The following SGK1 variants were observed in gnomAD, a reference collection of about 807,000 sequenced individuals.
SGK1 encodes the protein serine/threonine-protein kinase Sgk1.
In SGK1, 26 loss-of-function variants were observed where a neutral mutation model predicts 64.2. The observed-to-expected ratio is 0.40, with a 90% CI of 0.30 to 0.56. SGK1 has a LOEUF of 0.56. SGK1 is among the 20% of genes least tolerant of loss of function. The pLI is 0.38. For synonymous variants in SGK1, 265 were observed against 239.7 expected, an observed-to-expected ratio of 1.11 and a Z score of -0.98; for missense variants, 519 against 645.6, an observed-to-expected ratio of 0.80 and a Z score of 2.12.
chr6:134,173,261 G>A lies in SGK1; in HGVS notation c.702+13C>T, dbSNP rs759617853. 62 of 1,611,188 alleles carry A rather than the reference G, an allele frequency of 3.8e-5. No homozygotes were observed. The South Asian group carries it at 6.0e-4, about 16-fold the overall frequency. ...CTACCGCCAATGCCAGCCCCATCAA[G>A]CACATCTCATACCTCTTTCTTTTTC... On this transcript the variant is annotated intron_variant, in intron 7 of 13. Transcript: ENST00000367858.
At chr6:134,214,971 A>T (rs1775953646) in intron 2 of SGK1, 1 of 427,730 alleles carries the variant, frequency 2.3e-6, no homozygotes, top group African/African-American at 2.1e-5. Flanking sequence ...TGAATGTTTA[A>T]TCACTATTGT....
intron 1 of SGK1, among the ~76,000 whole-genome samples, chr6:134,290,011 C>T (rs1233696725): frequency 4.0e-5 from 6 of 151,566 alleles, no homozygotes; most frequent in Admixed American, 2.0e-4. Context: ...ATTAGCTGGG[C>T]GTGGTGGCAG....
intron 1 of SGK1, chr6:134,298,531 C>T (rs1478736860): frequency 1.2e-6 from 1 of 806,202 alleles, no homozygotes; most frequent in East Asian, 2.5e-5. Context: ...CCGCTGGCCC[C>T]ACCATAGCCT....
intron 1 of SGK1, chr6:134,297,859 G>T: frequency 3.9e-6 from 3 of 775,898 alleles, no homozygotes; most frequent in East Asian, 5.3e-5. Flanking sequence ...AGCATCTGCA[G>T]CTCCTCATAT....
Position 134,256,088 on chromosome 6 carries a change from C to CTTTTTTTTTTTTTTTTTTTT in SGK1, c.285+5844_285+5845insAAAAAAAAAAAAAAAAAAAA, listed in dbSNP as rs68106923. Among the ~76,000 whole-genome samples the CTTTTTTTTTTTTTTTTTTTT allele has an allele frequency of 4.3e-5, 6 of 139,244 alleles. 1 individual carries two copies. The highest frequency in any genetic ancestry group is 6.1e-5 in the Non-Finnish European group (4 of 65,440). The allele number at this position is 139,244 out of a possible 152,430, so 91.3% of individuals were successfully genotyped here. Reference sequence around the variant, plus strand: ...AAATATTCCTCTTTGGTCCTTTTTCCTTTTTTTTTTTTTGTATTTTGTCGA... The same window carrying CTTTTTTTTTTTTTTTTTTTT: ...AAATATTCCTCTTTGGTCCTTTTTCCTTTTTTTTTTTTTTTTTTTTTTTTTTTTTTTTTGTATTTTGTCGA... On this transcript the variant is annotated intron_variant, in intron 2 of 13. Transcript: ENST00000367858.
At chr6:134,277,093 G>A (rs9493882) in intron 1 of SGK1, among the ~76,000 whole-genome samples, 7,245 of 151,676 alleles carry the variant, frequency 0.048, 417 homozygotes, top group East Asian at 0.24. Flanking sequence ...AAAACCCAGG[G>A]TGAGGTGCAG....
chr6:134,297,510 G>A (rs1777378028), intron 1 of SGK1: 1 of 569,518 alleles, frequency 1.8e-6, no homozygotes, highest in African/African-American at 1.9e-5. Context: ...GGAGATCTCT[G>A]TCTTGTTTTT....
intron 2 of SGK1, among the ~76,000 whole-genome samples, chr6:134,226,248 A>C (rs1268611382): frequency 6.6e-6 from 1 of 152,222 alleles, no homozygotes; most frequent in African/African-American, 2.4e-5. Flanking sequence ...AAAACATCAG[A>C]AAGTAAGCAT....
chr6:134,254,686 C>T (rs909983187), intron 2 of SGK1, among the ~76,000 whole-genome samples: 1 of 152,170 alleles, frequency 6.6e-6, no homozygotes, highest in East Asian at 1.9e-4. Context: ...CATACTTCCA[C>T]GTCTTTTAAT....
intron 2 of SGK1, among the ~76,000 whole-genome samples, chr6:134,236,961 A>G (rs1250600590): frequency 2.6e-5 from 4 of 152,130 alleles, no homozygotes; most frequent in African/African-American, 7.2e-5. Context: ...AAACATCCAC[A>G]ACAATCATCC....
chr6:134,287,867 T>C (rs896183200), intron 1 of SGK1, among the ~76,000 whole-genome samples: 3 of 152,176 alleles, frequency 2.0e-5, no homozygotes, highest in African/African-American at 7.2e-5. Flanking sequence ...TTTGGAGAGC[T>C]GTATGTTGTC....
intron 1 of SGK1, among the ~76,000 whole-genome samples, chr6:134,314,082 T>A (rs767041156): frequency 2.2e-4 from 34 of 152,326 alleles, no homozygotes; most frequent in Middle Eastern, 3.4e-3. Context: ...AGTAGAACTC[T>A]TATCCAGTTT....
intron 2 of SGK1, among the ~76,000 whole-genome samples, chr6:134,232,320 G>C (rs1367811398): frequency 6.6e-6 from 1 of 151,612 alleles, no homozygotes. Flanking sequence ...GGGAGGCAGA[G>C]GTTGCAGTGA....
In SGK1 at chr6:134,171,735, G is replaced by T; in HGVS notation, c.1072-3C>A. 1 of 1,599,632 alleles carries T rather than the reference G, an allele frequency of 6.3e-7. No individual in the cohort carries two copies. The highest frequency in any genetic ancestry group is 8.6e-7 in the Non-Finnish European group (1 of 1,167,184). On this transcript the variant is annotated splice_region_variant and splice_polypyrimidine_tract_variant and intron_variant, in intron 10 of 13. Coordinates refer to ENST00000367858, the MANE Select transcript of SGK1 (RefSeq NM_001143676.3). ...TGAAGCACCTCAGGTGCGAGATACTGAAAAACAGACCAGGGAAACAGCGTT... is the reference window on the plus strand; with the variant it reads ...TGAAGCACCTCAGGTGCGAGATACTTAAAAACAGACCAGGGAAACAGCGTT...
At chr6:134,299,202 CA>C (rs35424584) in intron 1 of SGK1, among the ~76,000 whole-genome samples, 42,194 of 109,916 alleles carry the variant, frequency 0.38, 5,965 homozygotes, top group East Asian at 0.65. Flanking sequence ...AAAAAAATTA[CA>C]AAAAAAAAAA....
chr6:134,173,907 A>T, intron 5 of SGK1, 98 bp downstream of exon 5: 1 of 796,510 alleles, frequency 1.3e-6, no homozygotes, highest in Non-Finnish European at 2.1e-6. Context: ...CTGCCTTGAT[A>T]CTAATTTCTA....
At chr6:134,227,020 C>T (rs770173908) in intron 2 of SGK1, among the ~76,000 whole-genome samples, 20 of 152,122 alleles carry the variant, frequency 1.3e-4, no homozygotes, top group Non-Finnish European at 2.5e-4. Flanking sequence ...AGTAGGAAAG[C>T]GTTGTGGTGT....
At chr6:134,212,600 G>A (rs1224441673) in intron 2 of SGK1, among the ~76,000 whole-genome samples, 1 of 151,990 alleles carries the variant, frequency 6.6e-6, no homozygotes, top group African/African-American at 2.4e-5. Flanking sequence ...CCCAGGCCAG[G>A]GTTAGATAAT....
At chr6:134,263,091 T>A (rs955987782) in intron 1 of SGK1, among the ~76,000 whole-genome samples, 1 of 152,144 alleles carries the variant, frequency 6.6e-6, no homozygotes, top group Non-Finnish European at 1.5e-5. Flanking sequence ...AGATAGTGAC[T>A]ATTTTACTTT....
Sources: gnomAD v4.1 joint callset for allele counts (sites outside exome capture counted in the v4.1 genomes callset) on GRCh38, gnomAD v4.1.1 for gene constraint, MANE v1.5 for transcripts, NCBI Gene and HGNC (gene_info 2026-07-23, HGNC 2026-07-21) for gene names.